UGGT1: variants seen among roughly 807,000 people sequenced by gnomAD.
The protein encoded by UGGT1 is UDP-glucose glycoprotein glucosyltransferase 1.
UGGT1 carries 107 observed loss-of-function variants against 203.9 expected under a neutral mutation model. The observed-to-expected ratio is 0.52, with a 90% CI of 0.45 to 0.62. The LOEUF is 0.62. UGGT1 is among the 20% of genes least tolerant of loss of function. The pLI, the probability that UGGT1 is intolerant of heterozygous loss-of-function variation, is 0.00. For synonymous variants in UGGT1, 628 were observed against 653.5 expected, an observed-to-expected ratio of 0.96 and a Z score of 0.59; for missense variants, 1,673 against 1,867.2, an observed-to-expected ratio of 0.90 and a Z score of 1.92.
intron 16 of UGGT1, among the ~76,000 whole-genome samples, chr2:128,139,221 T>G (rs903271243): frequency 1.3e-5 from 2 of 152,216 alleles, no homozygotes; most frequent in Non-Finnish European, 2.9e-5. Flanking sequence ...TGTTTGAATA[T>G]ATCTTCCACA....
At chr2:128,130,222 C>T (rs1688808687) in intron 13 of UGGT1, among the ~76,000 whole-genome samples, 1 of 147,318 alleles carries the variant, frequency 6.8e-6, no homozygotes, top group African/African-American at 2.5e-5. Context: ...GATCACGCCA[C>T]TGCGCTCCAG....
At chr2:128,113,397 G>T in intron 6 of UGGT1, 139 bp downstream of exon 6, 1 of 693,814 alleles carries the variant, frequency 1.4e-6, no homozygotes, top group South Asian at 3.6e-5. Context: ...TAGTTTCATT[G>T]AGTCTATTAT....
chr2:128,141,213 C>G (rs1209277046), intron 16 of UGGT1, among the ~76,000 whole-genome samples: 1 of 151,886 alleles, frequency 6.6e-6, no homozygotes, highest in Non-Finnish European at 1.5e-5. Flanking sequence ...AATTCCAGCA[C>G]TTTGGGTGGC....
At chr2:128,161,290 A>G (rs1252852412) in intron 25 of UGGT1, 22 bp downstream of exon 25, 7 of 1,610,942 alleles carry the variant, frequency 4.3e-6, no homozygotes, top group Non-Finnish European at 5.9e-6. Context: ...CATAGGAGGA[A>G]TTACAGGGGT....
chr2:128,152,718 T>C (rs1378204619), intron 18 of UGGT1, 66 bp from the exon 19 acceptor site: 1 of 1,555,234 alleles, frequency 6.4e-7, no homozygotes, highest in Non-Finnish European at 8.6e-7. Context: ...TTTTGGTTCC[T>C]AATGAATTAT....
At chr2:128,179,322 G>A (rs184167486) in intron 34 of UGGT1, among the ~76,000 whole-genome samples, 41 of 152,224 alleles carry the variant, frequency 2.7e-4, no homozygotes, top group Non-Finnish European at 5.1e-4. Flanking sequence ...GAGTAAGGAG[G>A]CCGGAGCTGG....
chr2:128,179,171 C>T (rs928005069), intron 34 of UGGT1, among the ~76,000 whole-genome samples: 7 of 152,060 alleles, frequency 4.6e-5, no homozygotes, highest in Non-Finnish European at 2.9e-5. Context: ...CACTACAGAT[C>T]TAGTATAGAA....
intron 15 of UGGT1, among the ~76,000 whole-genome samples, chr2:128,138,448 G>A (rs572311049): frequency 2.0e-5 from 3 of 151,992 alleles, no homozygotes; most frequent in African/African-American, 7.2e-5. Flanking sequence ...CTGGGAGACG[G>A]AGGTTGCAGT....
rs2104808233 is a variant in UGGT1 at position 128,178,516 on chromosome 2, C to T, written c.3762C>T (p.Asp1254=). Residue 1254 remains aspartate (D), a synonymous_variant, in exon 34 of 41, where the codon GAC becomes GAT. Coordinates refer to ENST00000259253, the MANE Select transcript of UGGT1 (RefSeq NM_020120.4). ...KTEEVKQDKD[D]IINIFSVASG... ...AGGAAGTGAAGCAAGATAAAGATGA[C>T]ATAATTAATATTTTCTCCGTTGCAT... 6.2e-7 allele frequency: 1 copy of T among 1,613,770 alleles called. No individual in the cohort carries two copies. Among genetic ancestry groups the T allele is most frequent in the East Asian group, 2.2e-5 (1 of 44,872 alleles).
rs1691420042 is a variant in UGGT1, at chr2:128,176,825, C to G, written c.3551C>G (p.Thr1184Ser). The change falls in exon 32 of 41, where the codon ACT (threonine) becomes AGT (serine). Residue 1184 changes from threonine (T) to serine (S), a missense_variant. By Grantham distance (58) the Thr-to-Ser change is moderately conservative (BLOSUM62 1). Coordinates refer to ENST00000259253, the MANE Select transcript of UGGT1 (RefSeq NM_020120.4). ...CTTTTCTCGCAAAGCCACGATGGCA[C>G]TGATTCTCCCCCTGATGCTGATGAG... ...DIYRIYSHDG[T>S]DSPPDADEVV... 3.1e-6 allele frequency: 5 copies of G among 1,613,940 alleles called. No individual in the cohort carries two copies. The highest frequency in any genetic ancestry group is 1.1e-5 in the South Asian group (1 of 91,048).
intron 34 of UGGT1, among the ~76,000 whole-genome samples, 155 bp downstream of exon 34, chr2:128,178,724 T>A (rs1691528098): frequency 6.6e-6 from 1 of 152,212 alleles, no homozygotes; most frequent in South Asian, 2.1e-4. Context: ...TCATTGGATT[T>A]GTTTTGATCC....
chr2:128,150,454 A>G (rs753430837), intron 18 of UGGT1, among the ~76,000 whole-genome samples: 2 of 152,126 alleles, frequency 1.3e-5, no homozygotes, highest in Non-Finnish European at 2.9e-5. Flanking sequence ...GAGATATGCT[A>G]TGCCAGTGGT....
chr2:128,144,356 AT>A (rs1553439657), intron 17 of UGGT1, among the ~76,000 whole-genome samples: 2 of 152,142 alleles, frequency 1.3e-5, no homozygotes, highest in Non-Finnish European at 2.9e-5. Context: ...CTTGTAAACT[AT>A]TTCTGAGTGG....
In UGGT1 at chr2:128,189,703, C is replaced by T; in HGVS notation, c.4643-14C>T. 6.2e-7 allele frequency: 1 copy of T among 1,607,518 alleles called. No individual in the cohort carries two copies. Among genetic ancestry groups the T allele is most frequent in the South Asian group, 1.1e-5 (1 of 90,136 alleles). On this transcript the variant is annotated splice_polypyrimidine_tract_variant and intron_variant, in intron 40 of 40. Coordinates refer to ENST00000259253, the MANE Select transcript of UGGT1 (RefSeq NM_020120.4). ...ATCATCTGTTTTCTTTTCTGTGGTTCTCCTTTTCCTTAGGTCCTCAGAAAC... is the reference window on the plus strand; with the variant it reads ...ATCATCTGTTTTCTTTTCTGTGGTTTTCCTTTTCCTTAGGTCCTCAGAAAC...
chr2:128,145,501 AACACACAC>A (rs538390479), intron 17 of UGGT1, among the ~76,000 whole-genome samples: 21,839 of 104,876 alleles, frequency 0.21, 1,946 homozygotes, highest in Non-Finnish European at 0.28. Context: ...CACACACACA[AACACACAC>A]ACACACACAC....
intron 2 of UGGT1, among the ~76,000 whole-genome samples, chr2:128,100,047 T>G (rs1278670992): frequency 1.8e-5 from 2 of 112,788 alleles, no homozygotes; most frequent in Non-Finnish European, 3.4e-5. Flanking sequence ...TTATTTTTTT[T>G]GAGACAGAGT....
At chr2:128,125,609 C>G (rs1361732162) in intron 11 of UGGT1, among the ~76,000 whole-genome samples, 2 of 152,082 alleles carry the variant, frequency 1.3e-5, no homozygotes, top group South Asian at 2.1e-4. Flanking sequence ...GAAAAAGTAG[C>G]TCTAGTGACA....
intron 3 of UGGT1, among the ~76,000 whole-genome samples, chr2:128,104,629 A>G (rs905626337): frequency 6.6e-6 from 1 of 152,130 alleles, no homozygotes; most frequent in Non-Finnish European, 1.5e-5. Flanking sequence ...ATTGACAGAT[A>G]TAGGTTATTA....
At chr2:128,178,936 C>T (rs1032875504) in intron 34 of UGGT1, among the ~76,000 whole-genome samples, 5 of 152,134 alleles carry the variant, frequency 3.3e-5, no homozygotes, top group Non-Finnish European at 5.9e-5. Context: ...TAAAGATTCA[C>T]AGGATTTTAG....
Sources: gnomAD v4.1 joint callset for allele counts (sites outside exome capture counted in the v4.1 genomes callset) on GRCh38, gnomAD v4.1.1 for gene constraint, MANE v1.5 for transcripts, NCBI Gene and HGNC (gene_info 2026-07-23, HGNC 2026-07-21) for gene names.